HDAC5: variants seen among roughly 807,000 people sequenced by gnomAD.
HDAC5 encodes histone deacetylase 5, also known as antigen NY-CO-9.
In HDAC5, 25 loss-of-function variants were observed where a neutral mutation model predicts 133.3. The ratio of observed to expected loss-of-function variants is 0.19; its 90% CI spans 0.14 to 0.26. The LOEUF (loss-of-function observed/expected upper bound fraction) is 0.26, where lower values mean the gene tolerates loss of function less well. HDAC5 is among the 10% of genes least tolerant of loss of function. The pLI, the probability that HDAC5 is intolerant of heterozygous loss-of-function variation, is 1.00. For synonymous variants in HDAC5, 589 were observed against 610.8 expected, an observed-to-expected ratio of 0.96 and a Z score of 0.53; for missense variants, 1,041 against 1,460.5, an observed-to-expected ratio of 0.71 and a Z score of 4.68.
intron 3 of HDAC5, among the ~76,000 whole-genome samples, chr17:44,098,311 T>C (rs933950189): frequency 7.2e-5 from 11 of 151,970 alleles, no homozygotes; most frequent in African/African-American, 2.7e-4. Flanking sequence ...GAAGGGGAAG[T>C]GGTTGTGTCA....
At chr17:44,097,290 C>T (rs562638594) in intron 3 of HDAC5, among the ~76,000 whole-genome samples, 1 of 152,378 alleles carries the variant, frequency 6.6e-6, no homozygotes, top group Non-Finnish European at 1.5e-5. Flanking sequence ...CAGTCCCCAC[C>T]AGCCTCTTCT....
intron 13 of HDAC5, 158 bp from the exon 14 acceptor site, chr17:44,086,895 C>T: frequency 2.4e-6 from 1 of 424,270 alleles, no homozygotes; most frequent in Non-Finnish European, 4.0e-6. Flanking sequence ...GGACAGGAGA[C>T]ACATCTCCTC....
rs367557189 is a variant in HDAC5 at position 44,087,403 on chromosome 17, G to A, written c.1884+9C>T. On this transcript the variant is annotated intron_variant, in intron 13 of 26. Coordinates refer to ENST00000682912, the MANE Select transcript of HDAC5 (RefSeq NM_005474.5). ...GTGACCAAGGACTGGGACCAGGGAC[G>A]GGGCTCACTTTTTTGTATCCAGCAC... is the stretch of plus-strand genomic sequence containing the variant. 3.6e-5 allele frequency: 31 copies of A among 867,492 alleles called. No homozygotes were observed. The highest frequency in any genetic ancestry group is 2.8e-4 in the Admixed American group (16 of 58,152). The allele number at this position is 867,492 out of a possible 1,614,324, so 53.7% of individuals were successfully genotyped here.
At chr17:44,112,311 G>T (rs1428787470) in intron 2 of HDAC5, among the ~76,000 whole-genome samples, 2 of 152,094 alleles carry the variant, frequency 1.3e-5, no homozygotes, top group East Asian at 1.9e-4. Flanking sequence ...GGGTCCTGGG[G>T]CTGGTGCACC....
At chr17:44,091,571 C>T in intron 10 of HDAC5, 79 bp from the exon 11 acceptor site, 1 of 1,475,656 alleles carries the variant, frequency 6.8e-7, no homozygotes, top group African/African-American at 1.4e-5. Flanking sequence ...CCACTATCTA[C>T]CCCCCAAGCT....
chr17:44,087,833 G>T, intron 12 of HDAC5, 137 bp from the exon 13 acceptor site: 1 of 1,100,146 alleles, frequency 9.1e-7, no homozygotes. Flanking sequence ...AGGTGAGGTA[G>T]CTCCTCTGAG....
At chr17:44,114,442 G>GC (rs1379531256) in intron 2 of HDAC5, among the ~76,000 whole-genome samples, 2 of 151,986 alleles carry the variant, frequency 1.3e-5, no homozygotes, top group African/African-American at 2.4e-5. Flanking sequence ...AGGCGTGGGG[G>GC]GGGGGGGCTG....
At chr17:44,111,940 G>T (rs924636084) in intron 2 of HDAC5, among the ~76,000 whole-genome samples, 2 of 152,154 alleles carry the variant, frequency 1.3e-5, no homozygotes, top group Non-Finnish European at 2.9e-5. Context: ...CTCCTCCATG[G>T]CAATGTGCCA....
chr17:44,099,856 G>A (rs2051484612), intron 3 of HDAC5, among the ~76,000 whole-genome samples: 1 of 152,186 alleles, frequency 6.6e-6, no homozygotes, highest in African/African-American at 2.4e-5. Context: ...CAGCTCACGA[G>A]CACAAGTGGC....
chr17:44,083,770 G>GC, intron 17 of HDAC5, 35 bp downstream of exon 17: 1 of 1,417,200 alleles, frequency 7.1e-7, no homozygotes, highest in Non-Finnish European at 1.0e-6. Context: ...TAGGAGAGCC[G>GC]CCCGCCCACC....
chr17:44,103,814 T>C (rs1304684341), intron 3 of HDAC5, among the ~76,000 whole-genome samples: 2 of 151,758 alleles, frequency 1.3e-5, no homozygotes, highest in Admixed American at 6.6e-5. Flanking sequence ...GTTCAAGCGA[T>C]TCTCCTGCCT....
At chr17:44,093,254 C>T in intron 5 of HDAC5, 48 bp from the exon 6 acceptor site, 1 of 1,587,244 alleles carries the variant, frequency 6.3e-7, no homozygotes, top group Admixed American at 1.7e-5. Flanking sequence ...CCAGACCCCC[C>T]ATGGCAGGGG....
chr17:44,096,220 G>A (rs1481756100), intron 3 of HDAC5, among the ~76,000 whole-genome samples: 2 of 152,066 alleles, frequency 1.3e-5, no homozygotes. Context: ...ACCCATTCCT[G>A]TTTCTCTTCT....
Position 44,086,555 on chromosome 17 carries a change from A to C in HDAC5, c.2050+17T>G. 1.5e-6 allele frequency: 2 copies of C among 1,297,042 alleles called. No individual in the cohort carries two copies. Among genetic ancestry groups the C allele is most frequent in the Non-Finnish European group, 2.0e-6 (2 of 1,014,978 alleles). The allele number at this position is 1,297,042 out of a possible 1,614,324, so 80.3% of individuals were successfully genotyped here. ...CTGGTGCCTGGCAGAAGGACCTAAC[A>C]GTTGGTGGGGGCTCACCTGTGGTGA... On this transcript the variant is annotated intron_variant, in intron 14 of 26. Coordinates refer to ENST00000682912, the MANE Select transcript of HDAC5 (RefSeq NM_005474.5).
At chr17:44,091,200 G>T (rs1444484145) in intron 11 of HDAC5, 70 bp downstream of exon 11, 1 of 1,159,344 alleles carries the variant, frequency 8.6e-7, no homozygotes, top group Non-Finnish European at 1.3e-6. Context: ...CTGTGACAGG[G>T]TTGGAGAGTA....
chr17:44,110,968 C>T (rs2052302062), intron 2 of HDAC5, 168 bp from the exon 3 acceptor site: 1 of 623,216 alleles, frequency 1.6e-6, no homozygotes, highest in Non-Finnish European at 2.9e-6. Context: ...CAGGCCACTG[C>T]CGACGGGACC....
chr17:44,080,558 C>T (rs2050343238), intron 21 of HDAC5, 60 bp from the exon 22 acceptor site: 3 of 1,555,222 alleles, frequency 1.9e-6, no homozygotes, highest in Non-Finnish European at 2.7e-6. Context: ...AACATTGCCC[C>T]TGCCCTCACC....
chr17:44,102,334 C>T (rs1285853399), intron 3 of HDAC5, among the ~76,000 whole-genome samples: 1 of 152,216 alleles, frequency 6.6e-6, no homozygotes, highest in Non-Finnish European at 1.5e-5. Context: ...TTCCAGCTCT[C>T]ACTTACTCTA....
intron 3 of HDAC5, among the ~76,000 whole-genome samples, chr17:44,109,913 C>T (rs1330796926): frequency 6.6e-6 from 1 of 152,230 alleles, no homozygotes; most frequent in Non-Finnish European, 1.5e-5. Flanking sequence ...GGAGGCTGTG[C>T]CAGGAAGGCT....
Sources: gnomAD v4.1 joint callset for allele counts (sites outside exome capture counted in the v4.1 genomes callset) on GRCh38, gnomAD v4.1.1 for gene constraint, MANE v1.5 for transcripts, NCBI Gene and HGNC (gene_info 2026-07-23, HGNC 2026-07-21) for gene names.